IGSF10: variants seen among roughly 807,000 people sequenced by gnomAD.
The protein encoded by IGSF10 is immunoglobulin superfamily member 10, also known as calvaria mechanical force protein 608.
Under a neutral mutation model 128.2 loss-of-function variants are expected in IGSF10, and 126 were observed. The ratio of observed to expected loss-of-function variants is 0.98; its 90% CI spans 0.85 to 1.14. The LOEUF (loss-of-function observed/expected upper bound fraction) is 1.14. IGSF10 is among the 50% of genes most tolerant of loss of function. The probability of loss-of-function intolerance (pLI) is 0.00; values close to 1 mark genes in which losing one functional copy is unlikely to be tolerated. For synonymous variants in IGSF10, 1,185 were observed against 1,146.2 expected (o/e 1.03, Z -0.68); for missense variants, 3,295 against 3,149.8 (o/e 1.05, Z -1.10).
chr3:151,530,309 G>A, the IGSF10 span, among the ~76,000 whole-genome samples: 78 of 152,218 alleles, frequency 5.1e-4, no homozygotes, highest in African/African-American at 1.7e-3. Context: ...TTATCCAGGA[G>A]AACTTCCCCA....
chr3:151,549,433 C>T, the IGSF10 span, among the ~76,000 whole-genome samples: 1 of 152,166 alleles, frequency 6.6e-6, no homozygotes, highest in Admixed American at 6.5e-5. Flanking sequence ...TACTTTCAAC[C>T]AATCTTCCAG....
At chr3:151,571,342 A>G in the IGSF10 span, among the ~76,000 whole-genome samples, 1 of 151,712 alleles carries the variant, frequency 6.6e-6, no homozygotes, top group African/African-American at 2.4e-5. Flanking sequence ...TTTTCACGAT[A>G]TTGATTCCAT....
At chr3:151,538,102 C>A in the IGSF10 span, among the ~76,000 whole-genome samples, 1 of 152,092 alleles carries the variant, frequency 6.6e-6, no homozygotes, top group South Asian at 2.1e-4. Flanking sequence ...CCAAACTTCA[C>A]GTTTAGTTAA....
Position 151,443,742 on chromosome 3 carries a change from A to G in IGSF10, c.5205T>C (p.His1735=), listed in dbSNP as rs1277010570. Residue 1735 remains histidine (H), a synonymous_variant, in exon 7 of 8, where the codon CAT becomes CAC. Transcript: ENST00000282466. ...ASNLFGTDHL[H]VTLSVVSYPP... ...GATAGGAAACCACAGACAAGGTGAC[A>G]TGAAGGTGGTCTGTGCCAAACAGAT... 3.1e-6 allele frequency: 5 copies of G among 1,614,204 alleles called. No homozygotes were observed. The highest frequency in any genetic ancestry group is 4.2e-6 in the Non-Finnish European group (5 of 1,180,040).
At chr3:151,478,648 AAG>A in the IGSF10 span, among the ~76,000 whole-genome samples, 64 of 152,350 alleles carry the variant, frequency 4.2e-4, no homozygotes, top group Admixed American at 5.9e-4. Flanking sequence ...GTATTTAGAA[AAG>A]AGAGAATTTA....
At chr3:151,579,046 T>C in the IGSF10 span, among the ~76,000 whole-genome samples, 1 of 152,154 alleles carries the variant, frequency 6.6e-6, no homozygotes, top group Non-Finnish European at 1.5e-5. Flanking sequence ...AGGTTTAGAC[T>C]CACAGAAAAA....
chr3:151,582,668 T>C, the IGSF10 span, among the ~76,000 whole-genome samples: 2 of 152,188 alleles, frequency 1.3e-5, no homozygotes, highest in African/African-American at 2.4e-5. Context: ...CTACCTATCA[T>C]CCATCTATCT....
chr3:151,577,922 G>C, the IGSF10 span, among the ~76,000 whole-genome samples: 3 of 152,120 alleles, frequency 2.0e-5, no homozygotes, highest in African/African-American at 7.2e-5. Flanking sequence ...CCAAGCATTT[G>C]TGCTCTTTGT....
At chr3:151,483,372 A>C in the IGSF10 span, among the ~76,000 whole-genome samples, 2 of 152,214 alleles carry the variant, frequency 1.3e-5, no homozygotes, top group Non-Finnish European at 1.5e-5. Context: ...GCAGATTGTA[A>C]GTATAAAATA....
At chr3:151,432,789 T>C (rs76922109), downstream of IGSF10, 1,800 of 1,613,352 alleles carry the variant, frequency 1.1e-3, 28 homozygotes, top group African/African-American at 0.021. Flanking sequence ...CGTATGGGCA[T>C]CCTTCACACT....
chr3:151,561,026 G>A, the IGSF10 span, among the ~76,000 whole-genome samples: 1 of 152,086 alleles, frequency 6.6e-6, no homozygotes, highest in Admixed American at 6.6e-5. Flanking sequence ...TTTCTAAATT[G>A]AGCCAACATA....
At chr3:151,468,447 A>G in the IGSF10 span, among the ~76,000 whole-genome samples, 1 of 152,188 alleles carries the variant, frequency 6.6e-6, no homozygotes, top group Non-Finnish European at 1.5e-5. Flanking sequence ...CTTTTATGTA[A>G]GAGGTCTGCC....
upstream of IGSF10, among the ~76,000 whole-genome samples, chr3:151,464,944 C>T (rs1206332583): frequency 6.6e-6 from 1 of 152,186 alleles, no homozygotes; most frequent in African/African-American, 2.4e-5. Flanking sequence ...TATTCCAGAT[C>T]TCTAACCTTT....
chr3:151,491,119 A>G, the IGSF10 span, among the ~76,000 whole-genome samples: 3 of 152,130 alleles, frequency 2.0e-5, no homozygotes, highest in African/African-American at 7.2e-5. Context: ...TAAGAAAAAG[A>G]GAGAGAAGAC....
the IGSF10 span, among the ~76,000 whole-genome samples, chr3:151,500,347 A>C: frequency 1.3e-5 from 2 of 152,152 alleles, no homozygotes; most frequent in Non-Finnish European, 2.9e-5. Context: ...TGAGGAATTG[A>C]CCAGTATATT....
At chr3:151,506,028 T>C in the IGSF10 span, among the ~76,000 whole-genome samples, 36 of 151,702 alleles carry the variant, frequency 2.4e-4, no homozygotes, top group African/African-American at 8.7e-4. Flanking sequence ...CTCAGCTCAC[T>C]GCAACCTCTG....
At chr3:151,498,171 C>T in the IGSF10 span, among the ~76,000 whole-genome samples, 5 of 152,110 alleles carry the variant, frequency 3.3e-5, no homozygotes, top group Non-Finnish European at 7.4e-5. Context: ...TTATTTCCTT[C>T]TCCTGCCTGA....
At chr3:151,472,015 C>T in the IGSF10 span, among the ~76,000 whole-genome samples, 2,934 of 152,248 alleles carry the variant, frequency 0.019, 64 homozygotes, top group East Asian at 0.063. Flanking sequence ...CTTCCTGAGT[C>T]TTTGAAGCTT....
At chr3:151,590,280 A>T in the IGSF10 span, among the ~76,000 whole-genome samples, 31 of 152,260 alleles carry the variant, frequency 2.0e-4, no homozygotes, top group Non-Finnish European at 3.8e-4. Context: ...AGCTCAAGCA[A>T]TCTTCTGCCT....
Sources: allele counts gnomAD v4.1 joint callset (sites outside exome capture counted in the v4.1 genomes callset), GRCh38; gene constraint gnomAD v4.1.1; transcripts MANE v1.5; gene names NCBI Gene and HGNC (gene_info 2026-07-23, HGNC 2026-07-21).